BTNL9: variants seen among roughly 807,000 people sequenced by gnomAD.
BTNL9 encodes the protein butyrophilin like 9, also known as butyrophilin-like protein 9.
BTNL9 carries 45 observed loss-of-function variants against 45.8 expected under a neutral mutation model. The ratio of observed to expected loss-of-function variants is 0.98; its 90% CI spans 0.77 to 1.26. The LOEUF (loss-of-function observed/expected upper bound fraction) is 1.26. BTNL9 is among the 50% of genes most tolerant of loss of function. The pLI is 0.00. For synonymous variants in BTNL9, 346 were observed against 330.8 expected (o/e 1.05, Z -0.50); for missense variants, 784 against 729.7 (o/e 1.07, Z -0.86).
rs772491013 is a variant in BTNL9 at position 181,059,558 on chromosome 5, C to A, written c.1304C>A (p.Pro435Gln). Residue 435 changes from proline to glutamine, a missense_variant, in exon 11 of 11, where the codon CCG becomes CAG. By Grantham distance (76) the Pro-to-Gln change is moderately conservative. Coordinates refer to ENST00000327705, the MANE Select transcript of BTNL9 (RefSeq NM_152547.5). Reference sequence around the variant, plus strand: ...GGCTGCGAGTACTTCGTCCTGGCCCCGCACCGCGTCGCGCTCACCCTGCGC... The same window carrying A: ...GGCTGCGAGTACTTCGTCCTGGCCCAGCACCGCGTCGCGCTCACCCTGCGC... ...WNGCEYFVLA[P>Q]HRVALTLRVP... 1 of 1,611,118 alleles carries A rather than the reference C, an allele frequency of 6.2e-7. No individual in the cohort carries two copies. Among genetic ancestry groups the A allele is most frequent in the East Asian group, 2.2e-5 (1 of 44,846 alleles).
chr5:181,046,524 CA>C (rs1467724400), intron 2 of BTNL9, among the ~76,000 whole-genome samples: 2 of 152,148 alleles, frequency 1.3e-5, no homozygotes, highest in Non-Finnish European at 2.9e-5. Context: ...ACTAATAATT[CA>C]AAGGTAATTT....
intron 3 of BTNL9, among the ~76,000 whole-genome samples, chr5:181,049,621 G>A (rs1053052089): frequency 1.3e-5 from 2 of 152,152 alleles, no homozygotes; most frequent in African/African-American, 4.8e-5. Context: ...TACAGCATTG[G>A]CATTTATGCC....
rs776072678 is a variant in BTNL9 at position 181,042,254 on chromosome 5, C to T, written c.-24+1822C>T. On this transcript the variant is annotated intron_variant, in intron 1 of 10. Coordinates refer to ENST00000327705, the MANE Select transcript of BTNL9 (RefSeq NM_152547.5). This position sits in a 1 kb window ranked among gnomAD's most constrained non-coding sequence, Gnocchi z 4.5. ...CCTGGGAGGACAAGCAGCACGTGCC[C>T]GCCGGCAGAGCTCAGCTCCAGCTGG... Among the ~76,000 whole-genome samples, 6 of 152,318 alleles carry T rather than the reference C, an allele frequency of 3.9e-5. No homozygotes were observed. Among genetic ancestry groups the T allele is most frequent in the Non-Finnish European group, 5.9e-5 (4 of 68,030 alleles).
At position 181,050,392 on chromosome 5, in the gene BTNL9, C is replaced by A; in HGVS notation, c.736+23C>A. 6.2e-7 allele frequency: 1 copy of A among 1,610,852 alleles called. No homozygotes were observed. Among genetic ancestry groups the A allele is most frequent in the Non-Finnish European group, 8.5e-7 (1 of 1,178,196 alleles). On this transcript the variant is annotated intron_variant, in intron 4 of 10. Coordinates refer to ENST00000327705, the MANE Select transcript of BTNL9 (RefSeq NM_152547.5). The surrounding 1 kb of genome is among the most constrained non-coding windows in gnomAD (Gnocchi z 4.9). ...CAGGTCAGTGGCTGTTAGCTCACAC[C>A]CATCTTCCTAGTCCTCATGTGTACA... is the stretch of plus-strand genomic sequence containing the variant.
rs915041011 is a variant in BTNL9 at position 181,053,048 on chromosome 5, C to T, written c.737-152C>T. 1.6e-4 allele frequency: 63 copies of T among 402,982 alleles called. No homozygotes were observed. Among genetic ancestry groups the T allele is most frequent in the Non-Finnish European group, 6.0e-5 (15 of 251,382 alleles). The allele number at this position is 402,982 out of a possible 1,614,324, so 25.0% of individuals were successfully genotyped here. A position where few individuals can be genotyped will look rare whatever the true frequency, so the allele number is the denominator to read the frequency against. Reference sequence around the variant, plus strand: ...GCGCCCCCGCCCCCTCCGCCGCGCGCGCTCCCGCTCCACGCCCGTTTCCCA... The same window carrying T: ...GCGCCCCCGCCCCCTCCGCCGCGCGTGCTCCCGCTCCACGCCCGTTTCCCA... On this transcript the variant is annotated intron_variant, in intron 4 of 10. Coordinates refer to ENST00000327705, the MANE Select transcript of BTNL9 (RefSeq NM_152547.5). The surrounding 1 kb of genome is among the most constrained non-coding windows in gnomAD (Gnocchi z 6.5).
intron 1 of BTNL9, among the ~76,000 whole-genome samples, chr5:181,041,138 T>A (rs1392737020): frequency 6.6e-6 from 1 of 152,154 alleles, no homozygotes; most frequent in African/African-American, 2.4e-5. Flanking sequence ...CATTTAAGTG[T>A]GAAATGTAGT....
intron 9 of BTNL9, chr5:181,056,536 A>G: frequency 1.4e-6 from 1 of 717,540 alleles, no homozygotes; most frequent in South Asian, 1.5e-5. Context: ...TCCTTACTGC[A>G]GAGTGCTTCG....
At chr5:181,047,532 A>G (rs1310247347) in intron 2 of BTNL9, 1 of 986,540 alleles carries the variant, frequency 1.0e-6, no homozygotes, top group Non-Finnish European at 1.2e-6. Flanking sequence ...TTCTCTGCAC[A>G]TTTATGCAAA....
Position 181,050,005 on chromosome 5 carries a change from G to A in BTNL9, c.455-83G>A. ...CACTTCATGATGCTTTATGGTGACT[G>A]CAAATGCTGAACAGTGGCAGGAATG... On this transcript the variant is annotated intron_variant, in intron 3 of 10. Coordinates refer to ENST00000327705, the MANE Select transcript of BTNL9 (RefSeq NM_152547.5). The surrounding 1 kb of genome is among the most constrained non-coding windows in gnomAD (Gnocchi z 4.9). 2 of 1,504,902 alleles carry A rather than the reference G, an allele frequency of 1.3e-6. No individual in the cohort carries two copies. Among genetic ancestry groups the A allele is most frequent in the Non-Finnish European group, 9.0e-7 (1 of 1,110,584 alleles). 93.2% of individuals were successfully genotyped at this position (1,504,902 alleles called of 1,614,324 possible).
At chr5:181,046,366 C>G (rs903108382) in intron 2 of BTNL9, among the ~76,000 whole-genome samples, 1 of 152,198 alleles carries the variant, frequency 6.6e-6, no homozygotes, top group African/African-American at 2.4e-5. Context: ...CCCAGCACTC[C>G]GAAATCCACA....
Position 181,053,788 on chromosome 5 carries a change from G to A in BTNL9, c.886+287G>A, listed in dbSNP as rs1332684694. The A allele has an allele frequency of 2.4e-5, 37 of 1,523,480 alleles. No individual in the cohort carries two copies. Among genetic ancestry groups the A allele is most frequent in the Non-Finnish European group, 3.0e-5 (34 of 1,138,816 alleles). The allele number at this position is 1,523,480 out of a possible 1,614,324, so 94.4% of individuals were successfully genotyped here. On this transcript the variant is annotated intron_variant, in intron 6 of 10. Transcript: ENST00000327705. This position sits in a 1 kb window ranked among gnomAD's most constrained non-coding sequence, Gnocchi z 6.5. ...GAGCTTCACATCACACTGTACAGAG[G>A]GAGCGGTGACCAGGGTCTCTGCTGC...
Position 181,059,776 on chromosome 5 carries a change from A to G in BTNL9, c.1522A>G (p.Arg508Gly), listed in dbSNP as rs1344092630. ...DPLTICPLPVRGTGVPEENDS... is the reference protein window; with the variant it reads ...DPLTICPLPVGGTGVPEENDS... ...CCTGACCATCTGCCCGCTGCCGGTT[A>G]GAGGGACGGGCGTCCCCGAAGAGAA... The change falls in exon 11 of 11, where the codon AGA becomes GGA. Residue 508 changes from arginine to glycine, a missense_variant. Coordinates refer to ENST00000327705, the MANE Select transcript of BTNL9 (RefSeq NM_152547.5). The G allele has an allele frequency of 6.2e-7, 1 of 1,610,338 alleles. No homozygotes were observed. Among genetic ancestry groups the G allele is most frequent in the Non-Finnish European group, 8.5e-7 (1 of 1,179,630 alleles).
rs1488706824 is a variant in BTNL9 at position 181,059,688 on chromosome 5, C to A, written c.1434C>A (p.Phe478Leu). 8 of 1,613,568 alleles carry A rather than the reference C, an allele frequency of 5.0e-6. No individual in the cohort carries two copies. The highest frequency in any genetic ancestry group is 6.8e-6 in the Non-Finnish European group (8 of 1,179,968). ...ACATCTTCACCTTCCACGACACCTT[C>A]TCGGGCGCGCTCTGTGCGTACTTCA... Reference protein sequence around the residue: ...GSHIFTFHDTFSGALCAYFRP... With the variant: ...GSHIFTFHDTLSGALCAYFRP... The change falls in exon 11 of 11, where the codon TTC (phenylalanine) becomes TTA (leucine). Residue 478 changes from phenylalanine (F) to leucine (L), a missense_variant. Phe to Leu is a conservative substitution (Grantham distance 22, BLOSUM62 0). Coordinates refer to ENST00000327705, the MANE Select transcript of BTNL9 (RefSeq NM_152547.5).
chr5:181,058,251 C>T (rs578259925), intron 9 of BTNL9, 101 bp from the exon 10 acceptor site: 16 of 1,355,508 alleles, frequency 1.2e-5, no homozygotes, highest in African/African-American at 7.2e-5. Context: ...TGGGGTCATT[C>T]GATCTGCATG....
At chr5:181,041,144 G>A (rs1032686477) in intron 1 of BTNL9, among the ~76,000 whole-genome samples, 21 of 152,226 alleles carry the variant, frequency 1.4e-4, no homozygotes, top group African/African-American at 3.9e-4. Context: ...AGTGTGAAAT[G>A]TAGTCTTAAA....
intron 2 of BTNL9, among the ~76,000 whole-genome samples, chr5:181,047,709 A>G (rs1034513044): frequency 6.6e-6 from 1 of 152,172 alleles, no homozygotes; most frequent in African/African-American, 2.4e-5. Flanking sequence ...AGCACCACAA[A>G]TCTGGTTGTG....
chr5:181,048,727 C>A lies in BTNL9; in HGVS notation c.454+456C>A, dbSNP rs538658968. On this transcript the variant is annotated intron_variant, in intron 3 of 10. Coordinates refer to ENST00000327705, the MANE Select transcript of BTNL9 (RefSeq NM_152547.5). ...TCTGTCTTGAAATATATATATATAT[C>A]TATATATATATCTATCTATATATAT... is the stretch of plus-strand genomic sequence containing the variant. 6.8e-4 allele frequency among the ~76,000 whole-genome samples: 61 copies of A among 89,272 alleles called. No homozygotes were observed. In the East Asian group the frequency reaches 7.7e-3, roughly 11 times the overall value. The allele number at this position is 89,272 out of a possible 152,430, so 58.6% of individuals were successfully genotyped here.
intron 2 of BTNL9, among the ~76,000 whole-genome samples, chr5:181,046,217 C>T (rs1364785364): frequency 7.9e-6 from 1 of 127,024 alleles, no homozygotes; most frequent in Non-Finnish European, 1.7e-5. Context: ...CTCCCCAGCC[C>T]CCAACACCTC....
At position 181,053,579 on chromosome 5, in the gene BTNL9, T is replaced by C; in HGVS notation, c.886+78T>C. 6.4e-7 allele frequency: 1 copy of C among 1,550,650 alleles called. No homozygotes were observed. Among genetic ancestry groups the C allele is most frequent in the African/African-American group, 1.4e-5 (1 of 73,180 alleles). ...CGTCATCTAAAGGCTGTGGGTCCCG[T>C]TACGAGGGTTTATTCCAGCGCGAGG... On this transcript the variant is annotated intron_variant, in intron 6 of 10. Coordinates refer to ENST00000327705, the MANE Select transcript of BTNL9 (RefSeq NM_152547.5). This position sits in a 1 kb window ranked among gnomAD's most constrained non-coding sequence, Gnocchi z 6.5.
Sources: gnomAD v4.1 joint callset for allele counts (sites outside exome capture counted in the v4.1 genomes callset) on GRCh38, gnomAD v4.1.1 for gene constraint, Gnocchi (gnomAD v3.1) non-coding constraint, MANE v1.5 for transcripts, NCBI Gene and HGNC (gene_info 2026-07-23, HGNC 2026-07-21) for gene names.